The following TENM3 variants were observed in gnomAD, a reference collection of about 807,000 sequenced individuals.
TENM3 encodes teneurin transmembrane protein 3.
In TENM3, 63 loss-of-function variants were observed where a neutral mutation model predicts 255.1. The ratio of observed to expected loss-of-function variants is 0.25; its 90% confidence interval spans 0.20 to 0.30. The LOEUF (loss-of-function observed/expected upper bound fraction) is 0.30, where lower values mean the gene tolerates loss of function less well. Ranked by LOEUF, TENM3 falls within the 10% of genes least tolerant of loss-of-function variation. The pLI is 1.00. For missense variants in TENM3, 2,929 were observed against 3,461.1 expected, an observed-to-expected ratio of 0.85 and a Z score of 3.86; for synonymous variants, 1,306 against 1,322.3, an observed-to-expected ratio of 0.99 and a Z score of 0.27.
chr4:182,062,973 G>A, the TENM3 span, among the ~76,000 whole-genome samples: 1 of 152,194 alleles, frequency 6.6e-6, no homozygotes, highest in Non-Finnish European at 1.5e-5. Context: ...GTTTTCCACA[G>A]AATGTTTCAA....
the TENM3 span, among the ~76,000 whole-genome samples, chr4:181,547,879 T>C: frequency 1.3e-5 from 2 of 152,260 alleles, no homozygotes; most frequent in Non-Finnish European, 2.9e-5. Flanking sequence ...CATATACATA[T>C]ACATGTGCCA....
At chr4:181,887,078 A>G in the TENM3 span, among the ~76,000 whole-genome samples, 1 of 152,154 alleles carries the variant, frequency 6.6e-6, no homozygotes, top group South Asian at 2.1e-4. Flanking sequence ...TGTACTTTAA[A>G]AAGTTTTTCT....
chr4:182,141,653 T>C (rs766977267), upstream of TENM3: 1 of 152,224 alleles, frequency 6.6e-6, no homozygotes, highest in African/African-American at 2.4e-5. Flanking sequence ...TTTTCTATTT[T>C]GCAACCATAG....
At chr4:182,454,831 C>G (rs1003605381) in intron 3 of TENM3, among the ~76,000 whole-genome samples, 3 of 152,114 alleles carry the variant, frequency 2.0e-5, no homozygotes, top group African/African-American at 4.8e-5. Flanking sequence ...AAACGCAGTA[C>G]AAGAGCTAAC....
At chr4:182,166,903 C>A (rs1243479130) in intron 1 of TENM3, among the ~76,000 whole-genome samples, 2 of 151,614 alleles carry the variant, frequency 1.3e-5, no homozygotes, top group African/African-American at 4.9e-5. Flanking sequence ...CTTAGAATAT[C>A]ATAAAGGTAT....
chr4:181,539,414 G>C, the TENM3 span, among the ~76,000 whole-genome samples: 2,919 of 152,086 alleles, frequency 0.019, 51 homozygotes, highest in East Asian at 0.082. Context: ...ATTCTCAAAA[G>C]TAATTTTGAA....
chr4:182,089,738 A>G, the TENM3 span, among the ~76,000 whole-genome samples: 1 of 152,192 alleles, frequency 6.6e-6, no homozygotes, highest in Non-Finnish European at 1.5e-5. Flanking sequence ...ATATTTGCCT[A>G]ATTTATAATT....
chr4:181,607,899 A>AT, the TENM3 span, among the ~76,000 whole-genome samples: 3 of 152,174 alleles, frequency 2.0e-5, no homozygotes, highest in Non-Finnish European at 2.9e-5. Context: ...TCTATCAGGA[A>AT]TTTTCAAAGC....
the TENM3 span, among the ~76,000 whole-genome samples, chr4:181,801,084 C>G: frequency 1.3e-5 from 2 of 152,170 alleles, no homozygotes; most frequent in Non-Finnish European, 2.9e-5. Flanking sequence ...CAGCTTCAAA[C>G]AGCCCTCCTT....
At chr4:181,571,550 C>T in the TENM3 span, among the ~76,000 whole-genome samples, 3 of 152,104 alleles carry the variant, frequency 2.0e-5, no homozygotes, top group Non-Finnish European at 4.4e-5. Flanking sequence ...ATTGCCCAGG[C>T]TGGTCTTGAA....
At chr4:182,731,285 C>G (rs1760681113) in intron 16 of TENM3, 146 bp downstream of exon 16, 1 of 749,590 alleles carries the variant, frequency 1.3e-6, no homozygotes, top group Non-Finnish European at 2.1e-6. Context: ...GTGGGCAGAT[C>G]ATGAGGTCAG....
chr4:182,103,636 T>C, the TENM3 span, among the ~76,000 whole-genome samples: 2 of 152,210 alleles, frequency 1.3e-5, no homozygotes, highest in Non-Finnish European at 2.9e-5. Flanking sequence ...AGTCCCTTTT[T>C]TCTGCTGACA....
the TENM3 span, among the ~76,000 whole-genome samples, chr4:181,481,092 G>A: frequency 6.6e-6 from 1 of 150,388 alleles, no homozygotes; most frequent in Non-Finnish European, 1.5e-5. Flanking sequence ...CCTACTTGAG[G>A]ATAACACTTT....
upstream of TENM3, chr4:182,141,128 G>A (rs566377994): frequency 2.0e-5 from 3 of 152,430 alleles, no homozygotes; most frequent in South Asian, 2.1e-4. Flanking sequence ...GGGGCCCACG[G>A]GAGGGCGATG....
Position 182,660,254 on chromosome 4 carries a change from A to T in TENM3, c.1111+6361A>T, listed in dbSNP as rs181074802. ...TTCTGGCATGTAGTAGGTGCTCACA[A>T]AGTATCAGTTGAATGAATGAGTGAA... On this transcript the variant is annotated intron_variant, in intron 6 of 27. Coordinates refer to ENST00000511685, the MANE Select transcript of TENM3 (RefSeq NM_001080477.4). Among the ~76,000 whole-genome samples, 285 of 152,328 alleles carry T rather than the reference A, an allele frequency of 1.9e-3. 1 individual carries two copies. The highest frequency in any genetic ancestry group is 4.1e-3 in the Admixed American group (63 of 15,304).
At chr4:181,453,509 G>T in the TENM3 span, among the ~76,000 whole-genome samples, 1 of 152,052 alleles carries the variant, frequency 6.6e-6, no homozygotes, top group Non-Finnish European at 1.5e-5. Context: ...TGATTGGGTT[G>T]GAGACATCCA....
chr4:181,474,731 T>C, the TENM3 span, among the ~76,000 whole-genome samples: 2 of 105,214 alleles, frequency 1.9e-5, no homozygotes, highest in African/African-American at 6.9e-5. Flanking sequence ...TGAGACTCCG[T>C]CTCAAAACAA....
chr4:182,228,392 G>GTGTGTGTATA lies in TENM3; in HGVS notation c.-76+83639_-76+83640insGTGTGTATAT, dbSNP rs139457090. 7.7e-5 allele frequency among the ~76,000 whole-genome samples: 8 copies of GTGTGTGTATA among 104,518 alleles called. 1 individual carries two copies. Among genetic ancestry groups the GTGTGTGTATA allele is most frequent in the African/African-American group, 3.6e-4 (8 of 22,474 alleles). The allele number at this position is 104,518 out of a possible 152,430, so 68.6% of individuals were successfully genotyped here. ...TGTGTGTGTGTGTGTGTGTGTGTGT[G>GTGTGTGTATA]TATATGTAATCCCTCCCAGCTCTAA... On this transcript the variant is annotated intron_variant, in intron 1 of 2. Transcript: ENST00000512480.
chr4:181,536,280 G>A, the TENM3 span, among the ~76,000 whole-genome samples: 1 of 152,066 alleles, frequency 6.6e-6, no homozygotes, highest in Non-Finnish European at 1.5e-5. Flanking sequence ...TTGTGTTCCC[G>A]CATGAGGAGT....
Sources: allele counts gnomAD v4.1 joint callset (sites outside exome capture counted in the v4.1 genomes callset), GRCh38; gene constraint gnomAD v4.1.1; transcripts MANE v1.5; gene names NCBI Gene and HGNC (gene_info 2026-07-23, HGNC 2026-07-21).